The following TUSC3 variants were observed in gnomAD, a reference collection of about 807,000 sequenced individuals.
The protein encoded by TUSC3 is tumor suppressor candidate 3.
A neutral mutation model predicts 44.8 loss-of-function variants in TUSC3; 45 were observed. That is an observed-to-expected ratio of 1.00 (90% CI 0.79 to 1.29). The LOEUF (loss-of-function observed/expected upper bound fraction) is 1.29, where lower values mean the gene tolerates loss of function less well. Ranked by LOEUF, TUSC3 falls within the 50% of genes most tolerant of loss-of-function variation. The probability of loss-of-function intolerance (pLI) is 0.00; values close to 1 mark genes in which losing one functional copy is unlikely to be tolerated. For missense variants in TUSC3, 519 were observed against 437.9 expected, an observed-to-expected ratio of 1.19 and a Z score of -1.65; for synonymous variants, 212 against 152.9, an observed-to-expected ratio of 1.39 and a Z score of -2.85.
At chr8:15,767,088 G>A (rs927399228), downstream of TUSC3, among the ~76,000 whole-genome samples, 6 of 152,062 alleles carry the variant, frequency 3.9e-5, no homozygotes, top group Non-Finnish European at 8.8e-5. Flanking sequence ...TTCTCTAATA[G>A]TAGGAAAAGG....
chr8:15,795,420 A>T, the TUSC3 span, among the ~76,000 whole-genome samples: 1 of 152,120 alleles, frequency 6.6e-6, no homozygotes, highest in Non-Finnish European at 1.5e-5. Flanking sequence ...TTGTATCACC[A>T]TTTCTAATTG....
chr8:15,724,084 T>C (rs1162488686), intron 6 of TUSC3, among the ~76,000 whole-genome samples: 2 of 151,998 alleles, frequency 1.3e-5, no homozygotes, highest in Non-Finnish European at 2.9e-5. Context: ...TTGGTGGCCT[T>C]ATAAGTAGAG....
At chr8:15,778,863 A>G in the TUSC3 span, among the ~76,000 whole-genome samples, 1 of 152,206 alleles carries the variant, frequency 6.6e-6, no homozygotes, top group Non-Finnish European at 1.5e-5. Context: ...CTTGAGTTAG[A>G]TACAGAACAA....
chr8:15,822,903 G>A, the TUSC3 span, among the ~76,000 whole-genome samples: 1 of 152,120 alleles, frequency 6.6e-6, no homozygotes, highest in Non-Finnish European at 1.5e-5. Context: ...CTTGTTTGCA[G>A]TGGATTGAAG....
At chr8:15,627,990 A>G (rs1462978573) in intron 2 of TUSC3, among the ~76,000 whole-genome samples, 1 of 152,112 alleles carries the variant, frequency 6.6e-6, no homozygotes, top group Non-Finnish European at 1.5e-5. Flanking sequence ...GCGAAGCGAC[A>G]CCCCAAGGAT....
chr8:15,427,478 G>A (rs930922820), intron 1 of TUSC3, among the ~76,000 whole-genome samples: 3 of 152,252 alleles, frequency 2.0e-5, no homozygotes, highest in African/African-American at 7.2e-5. Flanking sequence ...TAAGATCTCA[G>A]GGGTGTAGAG....
At chr8:15,667,097 A>G (rs529777174) in intron 5 of TUSC3, among the ~76,000 whole-genome samples, 18 of 151,704 alleles carry the variant, frequency 1.2e-4, no homozygotes, top group African/African-American at 4.3e-4. Context: ...AGTTCCATAC[A>G]TGGATCTACT....
rs74844865 is a variant in TUSC3, at chr8:15,451,741, T to C, written n.92-31645T>C. On this transcript the variant is annotated intron_variant and non_coding_transcript_variant, in intron 1 of 5. Transcript: ENST00000503191. ...CTGGGCTTGCAATCGATGGGGGCAA[T>C]ATTGTGTGACTGAGTCCTTCACCTG... Among the ~76,000 whole-genome samples the C allele has an allele frequency of 3.2e-3, 485 of 152,022 alleles. 4 individuals carry two copies. In the East Asian group the frequency reaches 0.046, roughly 14 times the overall value.
chr8:15,631,755 G>C (rs2129168181), intron 2 of TUSC3, among the ~76,000 whole-genome samples: 2 of 151,890 alleles, frequency 1.3e-5, no homozygotes, highest in Middle Eastern at 3.4e-3. Context: ...ACCCAGGCTG[G>C]AGTGCAGTGG....
At chr8:15,737,870 T>A (rs1465379542) in intron 7 of TUSC3, among the ~76,000 whole-genome samples, 1 of 152,130 alleles carries the variant, frequency 6.6e-6, no homozygotes, top group Admixed American at 6.5e-5. Context: ...AAATTAAGAT[T>A]TTTATGTTAC....
At chr8:15,522,700 A>T (rs4831735) in intron 2 of TUSC3, among the ~76,000 whole-genome samples, 143,515 of 152,118 alleles carry the variant, frequency 0.94, 67,885 homozygotes, top group South Asian at 0.99. Context: ...GAGACAGGAT[A>T]GGAGGCAGTG....
intron 9 of TUSC3, among the ~76,000 whole-genome samples, chr8:15,749,983 A>ATT (rs34525756): frequency 2.4e-4 from 33 of 139,636 alleles, no homozygotes; most frequent in Non-Finnish European, 3.7e-4. Context: ...ATACTGTGAG[A>ATT]TTTTTTTTTT....
chr8:15,664,430 A>T (rs1028163251), intron 5 of TUSC3, among the ~76,000 whole-genome samples: 1 of 139,900 alleles, frequency 7.1e-6, no homozygotes, highest in Non-Finnish European at 1.5e-5. Context: ...CTGCTATGTT[A>T]TACAGATTTA....
chr8:15,813,721 C>T, the TUSC3 span, among the ~76,000 whole-genome samples: 2 of 152,112 alleles, frequency 1.3e-5, no homozygotes, highest in Non-Finnish European at 1.5e-5. Flanking sequence ...TCTGTCTTTA[C>T]ACTCTTGGGA....
chr8:15,848,146 A>C, the TUSC3 span, among the ~76,000 whole-genome samples: 1 of 151,796 alleles, frequency 6.6e-6, no homozygotes, highest in Non-Finnish European at 1.5e-5. Flanking sequence ...TGAAGTAAGC[A>C]TATATCGTCT....
chr8:15,840,771 G>A, the TUSC3 span, among the ~76,000 whole-genome samples: 5 of 152,132 alleles, frequency 3.3e-5, no homozygotes, highest in East Asian at 5.8e-4. Flanking sequence ...AACAATAATG[G>A]CTGTCTCTAA....
At chr8:15,807,187 G>T in the TUSC3 span, 2 of 767,416 alleles carry the variant, frequency 2.6e-6, no homozygotes, top group African/African-American at 3.4e-5. Flanking sequence ...ATTTCAATAC[G>T]TCAACCTTGC....
intron 7 of TUSC3, among the ~76,000 whole-genome samples, chr8:15,730,971 C>G (rs1810698941): frequency 6.6e-6 from 1 of 151,938 alleles, no homozygotes; most frequent in African/African-American, 2.4e-5. Flanking sequence ...CAGAGTATTA[C>G]TTTTACTCTA....
chr8:15,445,564 C>G (rs1355564419), intron 1 of TUSC3, among the ~76,000 whole-genome samples: 1 of 152,186 alleles, frequency 6.6e-6, no homozygotes, highest in Non-Finnish European at 1.5e-5. Context: ...CAAAGCACAT[C>G]TTGCACCGCC....
Sources: allele counts gnomAD v4.1 joint callset (sites outside exome capture counted in the v4.1 genomes callset), GRCh38; gene constraint gnomAD v4.1.1; transcripts MANE v1.5; gene names NCBI Gene and HGNC (gene_info 2026-07-23, HGNC 2026-07-21).